Variants in SCML4 observed in about 807,000 individuals in gnomAD.
The protein encoded by SCML4 is Scm polycomb group protein like 4.
A neutral mutation model predicts 41.1 loss-of-function variants in SCML4; 34 were observed. The ratio of observed to expected loss-of-function variants is 0.83; its 90% CI spans 0.63 to 1.10. SCML4 has a LOEUF of 1.10. Among genes scored for constraint, SCML4 ranks in the 50% least tolerant of loss-of-function variants. The probability of loss-of-function intolerance (pLI) is 0.00; values close to 1 mark genes in which losing one functional copy is unlikely to be tolerated. For synonymous variants in SCML4, 214 were observed against 220.9 expected (o/e 0.97, Z 0.28); for missense variants, 522 against 534.1 (o/e 0.98, Z 0.22).
chr6:107,762,808 T>C (rs1779705902), intron 2 of SCML4, among the ~76,000 whole-genome samples: 1 of 151,412 alleles, frequency 6.6e-6, no homozygotes, highest in Non-Finnish European at 1.5e-5. Flanking sequence ...TCTGAGACAA[T>C]AAATTTCTGT....
At chr6:107,767,003 C>T (rs112065868) in intron 2 of SCML4, among the ~76,000 whole-genome samples, 26,572 of 148,616 alleles carry the variant, frequency 0.18, 2,860 homozygotes, top group South Asian at 0.26. Flanking sequence ...TAGGCTGGAG[C>T]GCAGTGGCAT....
chr6:107,721,189 G>A (rs1157869762), intron 5 of SCML4, among the ~76,000 whole-genome samples, 196 bp from the exon 6 acceptor site: 1 of 152,172 alleles, frequency 6.6e-6, no homozygotes. Context: ...TTGCCCACAG[G>A]AGCATATTGT....
intron 2 of SCML4, among the ~76,000 whole-genome samples, chr6:107,770,369 T>A (rs1780421333): frequency 6.6e-6 from 1 of 152,148 alleles, no homozygotes; most frequent in Non-Finnish European, 1.5e-5. Context: ...TTGTTTTTCT[T>A]ATGTCACCAC....
chr6:107,801,713 A>C (rs1199281943), intron 1 of SCML4, among the ~76,000 whole-genome samples: 2 of 152,158 alleles, frequency 1.3e-5, no homozygotes, highest in Non-Finnish European at 2.9e-5. Flanking sequence ...GAAATGTGGA[A>C]TGGGGGTTAG....
At chr6:107,751,622 CTTTCTTTCTTTCTTTCTTT>C (rs1778669323) in intron 2 of SCML4, among the ~76,000 whole-genome samples, 4 of 147,128 alleles carry the variant, frequency 2.7e-5, no homozygotes, top group African/African-American at 1.0e-4. Context: ...TTCTTTCTTT[CTTTCTTTCTTTCTTTCTTT>C]CTTTCTTTTT....
chr6:107,828,754 A>T (rs1785321115), upstream of SCML4, among the ~76,000 whole-genome samples: 1 of 152,150 alleles, frequency 6.6e-6, no homozygotes, highest in South Asian at 2.1e-4. Context: ...CAAATAGTTA[A>T]CCTAATTAGT....
At chr6:107,825,186 C>T (rs1475411379), upstream of SCML4, among the ~76,000 whole-genome samples, 1 of 152,222 alleles carries the variant, frequency 6.6e-6, no homozygotes, top group Non-Finnish European at 1.5e-5. Flanking sequence ...CCCCATTGCC[C>T]ATTTCATCCA....
chr6:107,787,384 C>T (rs1781983251), intron 1 of SCML4, among the ~76,000 whole-genome samples: 1 of 152,026 alleles, frequency 6.6e-6, no homozygotes, highest in Non-Finnish European at 1.5e-5. Flanking sequence ...AAGGAGGCAG[C>T]AGCTGCGACT....
At chr6:107,738,408 G>C (rs1342831828) in intron 5 of SCML4, among the ~76,000 whole-genome samples, 1 of 152,124 alleles carries the variant, frequency 6.6e-6, no homozygotes, top group Non-Finnish European at 1.5e-5. Flanking sequence ...GATCACCTGA[G>C]GTCAGGAGTT....
Position 107,720,888 on chromosome 6 carries a change from G to A in SCML4, c.788C>T (p.Pro263Leu), listed in dbSNP as rs1437823092. Residue 263 changes from proline (P) to leucine (L), a missense_variant, in exon 6 of 8, where the codon CCC becomes CTC. By Grantham distance (98) the Pro-to-Leu change is moderately conservative. Transcript: ENST00000369020. ...STFNHRGSLH[P>L]SSSLYCKRQN... ...CCTCTTGCAGTACAGCGAGGAGGAG[G>A]GGTGCAAGGAGCCCCTGTGGTTAAA... The A allele has an allele frequency of 1.9e-6, 3 of 1,614,066 alleles. No homozygotes were observed. Among genetic ancestry groups the A allele is most frequent in the Non-Finnish European group, 1.7e-6 (2 of 1,180,038 alleles).
At chr6:107,793,660 C>T (rs554938727) in intron 1 of SCML4, among the ~76,000 whole-genome samples, 1 of 152,286 alleles carries the variant, frequency 6.6e-6, no homozygotes, top group Admixed American at 6.5e-5. Context: ...ATTGAAATAA[C>T]AAGGGAGCCG....
At chr6:107,715,759 G>A (rs2114377989) in intron 6 of SCML4, among the ~76,000 whole-genome samples, 1 of 152,286 alleles carries the variant, frequency 6.6e-6, no homozygotes, top group Middle Eastern at 3.4e-3. Context: ...AGAGAAGGCT[G>A]AGGAGTTTGT....
At chr6:107,719,950 T>C in intron 6 of SCML4, 1 of 985,466 alleles carries the variant, frequency 1.0e-6, no homozygotes, top group Non-Finnish European at 1.2e-6. Context: ...CTTCAAGCTA[T>C]TACTATAATC....
At chr6:107,801,075 A>G (rs1177265043) in intron 1 of SCML4, among the ~76,000 whole-genome samples, 1 of 152,196 alleles carries the variant, frequency 6.6e-6, no homozygotes, top group Non-Finnish European at 1.5e-5. Flanking sequence ...CTACTTTAAG[A>G]GTTTTTTATA....
intron 1 of SCML4, among the ~76,000 whole-genome samples, chr6:107,787,937 T>C (rs1480402119): frequency 6.6e-6 from 1 of 152,230 alleles, no homozygotes; most frequent in Non-Finnish European, 1.5e-5. Context: ...TTGTTACTGC[T>C]ATGTAATGAC....
chr6:107,777,301 A>G (rs1285552819), intron 1 of SCML4, among the ~76,000 whole-genome samples: 1 of 152,184 alleles, frequency 6.6e-6, no homozygotes, highest in Non-Finnish European at 1.5e-5. Context: ...TATTTTTAGT[A>G]GAGACGGGGT....
intron 1 of SCML4, among the ~76,000 whole-genome samples, chr6:107,792,715 G>A (rs1782426468): frequency 6.6e-6 from 1 of 150,776 alleles, no homozygotes; most frequent in Non-Finnish European, 1.5e-5. Flanking sequence ...CTGGTGACAG[G>A]GAGAGACTCT....
At chr6:107,775,373 A>C (rs1780856320) in intron 1 of SCML4, among the ~76,000 whole-genome samples, 2 of 152,248 alleles carry the variant, frequency 1.3e-5, no homozygotes, top group Admixed American at 1.3e-4. Context: ...CTGCATGTGC[A>C]GTATCCACCA....
intron 1 of SCML4, among the ~76,000 whole-genome samples, chr6:107,775,043 T>A (rs1489380100): frequency 6.6e-6 from 1 of 150,908 alleles, no homozygotes; most frequent in African/African-American, 2.4e-5. Context: ...AAATCAGCAC[T>A]CACATGAAAA....
Sources: allele counts gnomAD v4.1 joint callset (sites outside exome capture counted in the v4.1 genomes callset), GRCh38; gene constraint gnomAD v4.1.1; transcripts MANE v1.5; gene names NCBI Gene and HGNC (gene_info 2026-07-23, HGNC 2026-07-21).